The following LMTK2 variants were observed in gnomAD, a reference collection of about 807,000 sequenced individuals.
The protein encoded by LMTK2 is lemur tail kinase 2, also known as serine/threonine-protein kinase LMTK2.
A neutral mutation model predicts 127.5 loss-of-function variants in LMTK2; 37 were observed. The observed-to-expected ratio is 0.29, with a 90% CI of 0.22 to 0.38. The LOEUF (loss-of-function observed/expected upper bound fraction) is 0.38, where lower values mean the gene tolerates loss of function less well. Among genes scored for constraint, LMTK2 ranks in the 10% least tolerant of loss-of-function variants. The pLI is 1.00. For missense variants in LMTK2, 1,694 were observed against 1,920.3 expected (o/e 0.88, Z 2.20); for synonymous variants, 819 against 810.1 (o/e 1.01, Z -0.19).
Position 98,106,891 on chromosome 7 carries a change from G to A in LMTK2, c.-287G>A, listed in dbSNP as rs1334915490. The A allele has an allele frequency of 6.7e-6, 3 of 445,180 alleles. No homozygotes were observed. Among genetic ancestry groups the A allele is most frequent in the African/African-American group, 6.2e-5 (3 of 48,758 alleles). 27.6% of individuals were successfully genotyped at this position (445,180 alleles called of 1,614,324 possible). A position where few individuals can be genotyped will look rare whatever the true frequency, so the allele number is the denominator to read the frequency against. The stretch of plus-strand genomic sequence containing the variant: ...CATGACGCAGCCCATCATGGCGGCG[G>A]GAGCGCGGCTTCCCAGGCCCGCCGC... On this transcript the variant is annotated 5_prime_UTR_variant, in exon 1 of 14. Transcript: ENST00000297293.
chr7:98,171,727 C>T lies in LMTK2; in HGVS notation c.791+53C>T. Reference sequence around the variant, plus strand: ...CCCACACAGCACCGGCGGGACAGTCCAGAGAGGCTGCCGAGTTTGTGAAAC... The same window carrying T: ...CCCACACAGCACCGGCGGGACAGTCTAGAGAGGCTGCCGAGTTTGTGAAAC... On this transcript the variant is annotated intron_variant, in intron 7 of 13. Coordinates refer to ENST00000297293, the MANE Select transcript of LMTK2 (RefSeq NM_014916.4). The surrounding 1 kb of genome is among the most constrained non-coding windows in gnomAD (Gnocchi z 5.1). 6.7e-7 allele frequency: 1 copy of T among 1,493,152 alleles called. No individual in the cohort carries two copies. Among genetic ancestry groups the T allele is most frequent in the Non-Finnish European group, 8.9e-7 (1 of 1,127,298 alleles). 92.5% of individuals were successfully genotyped at this position (1,493,152 alleles called of 1,614,324 possible).
chr7:98,148,117 A>G (rs1021014518), intron 3 of LMTK2, among the ~76,000 whole-genome samples: 2 of 150,728 alleles, frequency 1.3e-5, no homozygotes, highest in Non-Finnish European at 3.0e-5. Context: ...AATCAGTTGA[A>G]CCCAAGAGGC....
In LMTK2 at chr7:98,140,665, A is replaced by G. The variant is rs983470947; in HGVS notation, c.232-732A>G. On this transcript the variant is annotated intron_variant, in intron 2 of 13. Coordinates refer to ENST00000297293, the MANE Select transcript of LMTK2 (RefSeq NM_014916.4). ...TCTGAGTCTTTCAACATTTATTTTG[A>G]TAGAAATCACATTTCAATTAGAAAT... is the stretch of plus-strand genomic sequence containing the variant. 3.3e-5 allele frequency among the ~76,000 whole-genome samples: 5 copies of G among 152,168 alleles called. No individual in the cohort carries two copies. In the East Asian group the frequency reaches 7.7e-4, roughly 23 times the overall value.
intron 4 of LMTK2, among the ~76,000 whole-genome samples, chr7:98,153,843 G>GT (rs1796890305): frequency 6.6e-6 from 1 of 151,840 alleles, no homozygotes; most frequent in Admixed American, 6.6e-5. Flanking sequence ...TCCATACAGG[G>GT]TGACAGAGCA....
chr7:98,205,562 GAGC>G lies in LMTK2; in HGVS notation c.*74_*76del. 4.6e-6 allele frequency: 7 copies of G among 1,519,206 alleles called. No individual in the cohort carries two copies. The Middle Eastern group carries it at 1.2e-3, about 262-fold the overall frequency. The allele number at this position is 1,519,206 out of a possible 1,614,324, so 94.1% of individuals were successfully genotyped here. On this transcript the variant is annotated 3_prime_UTR_variant, in exon 14 of 14. Transcript: ENST00000297293. ...AGCGGCGCCCCTGCGCCCTCAGCCC[GAGC>G]AGCGACATCCACTCGCCATTTGCTG...
chr7:98,198,345 C>T (rs28621740), intron 11 of LMTK2, among the ~76,000 whole-genome samples: 56 of 152,206 alleles, frequency 3.7e-4, no homozygotes, highest in African/African-American at 1.1e-3. Context: ...CGTGTGCCAC[C>T]GCGCTTGGCT....
At position 98,194,761 on chromosome 7, in the gene LMTK2, C is replaced by T. The variant is rs1040644211; in HGVS notation, c.4107+189C>T. Among the ~76,000 whole-genome samples the T allele has an allele frequency of 1.3e-5, 2 of 152,166 alleles. No individual in the cohort carries two copies. The highest frequency in any genetic ancestry group is 2.4e-5 in the African/African-American group (1 of 41,416). ...AGAAATGTCATTTGCTCAGGGAGTT[C>T]GTATTAAATTAAGAGAAAGAGACCC... On this transcript the variant is annotated intron_variant, in intron 11 of 13. Coordinates refer to ENST00000297293, the MANE Select transcript of LMTK2 (RefSeq NM_014916.4). The surrounding 1 kb of genome is among the most constrained non-coding windows in gnomAD (Gnocchi z 5.4).
intron 4 of LMTK2, among the ~76,000 whole-genome samples, chr7:98,153,998 T>C (rs1012579189): frequency 2.0e-5 from 3 of 152,268 alleles, no homozygotes; most frequent in African/African-American, 7.2e-5. Context: ...AAAATTAATC[T>C]ATTTTAAAAG....
At position 98,154,717 on chromosome 7, in the gene LMTK2, T is replaced by C. The variant is rs184714287; in HGVS notation, c.451-41T>C. 8 of 1,319,704 alleles carry C rather than the reference T, an allele frequency of 6.1e-6. No homozygotes were observed. The Admixed American group carries it at 1.4e-4, about 23-fold the overall frequency. 81.7% of individuals were successfully genotyped at this position (1,319,704 alleles called of 1,614,324 possible). On this transcript the variant is annotated intron_variant, in intron 4 of 13. Coordinates refer to ENST00000297293, the MANE Select transcript of LMTK2 (RefSeq NM_014916.4). ...GTAAATGCAGCAGACTCCTTTATCA[T>C]TTTGATGGAAATGACACAAAAAACT...
chr7:98,192,595 T>A lies in LMTK2; in HGVS notation c.2130T>A (p.Asn710Lys). ...CLSDNLMHQD[N>K]FDPLNVQELS... ...CAGATAATCTTATGCACCAAGATAA[T>A]TTTGATCCATTGAATGTTCAAGAAT... The change falls in exon 11 of 14, where the codon AAT becomes AAA. Residue 710 changes from asparagine to lysine, a missense_variant. Around this residue, in one of 8 missense-constraint regions of LMTK2, gnomAD observed 527 missense variants for 539.8 expected, o/e 0.98. Coordinates refer to ENST00000297293, the MANE Select transcript of LMTK2 (RefSeq NM_014916.4). 6.2e-7 allele frequency: 1 copy of A among 1,613,326 alleles called. No individual in the cohort carries two copies.
At chr7:98,149,623 G>A (rs1796823050) in intron 3 of LMTK2, among the ~76,000 whole-genome samples, 1 of 152,084 alleles carries the variant, frequency 6.6e-6, no homozygotes, top group Non-Finnish European at 1.5e-5. Flanking sequence ...AACTAACTCA[G>A]AATGCATCAT....
chr7:98,184,903 A>T lies in LMTK2; in HGVS notation c.792-148A>T, dbSNP rs1044199049. 21 of 562,824 alleles carry T rather than the reference A, an allele frequency of 3.7e-5. 1 individual carries two copies. Among genetic ancestry groups the T allele is most frequent in the African/African-American group, 3.4e-4 (18 of 53,468 alleles). The allele number at this position is 562,824 out of a possible 1,614,324, so 34.9% of individuals were successfully genotyped here. A position where few individuals can be genotyped will look rare whatever the true frequency, so the allele number is the denominator to read the frequency against. On this transcript the variant is annotated intron_variant, in intron 7 of 13. Coordinates refer to ENST00000297293, the MANE Select transcript of LMTK2 (RefSeq NM_014916.4). ...TGACATATGTAATACTTCTACTATG[A>T]AAAAGAATTTTGAGAGGTTAATTCT... is the stretch of plus-strand genomic sequence containing the variant.
intron 1 of LMTK2, among the ~76,000 whole-genome samples, chr7:98,121,348 G>C (rs1369097331): frequency 6.6e-6 from 1 of 152,146 alleles, no homozygotes. Context: ...AGGAAACCAA[G>C]CCTGGCGTGG....
chr7:98,169,519 A>G (rs1248544521), intron 6 of LMTK2, among the ~76,000 whole-genome samples: 2 of 152,236 alleles, frequency 1.3e-5, no homozygotes, highest in Non-Finnish European at 1.5e-5. Context: ...CAGCAAAACC[A>G]TGTTTTCGTG....
Position 98,147,306 on chromosome 7 carries a change from C to T in LMTK2, c.377-4076C>T, listed in dbSNP as rs145873186. The stretch of plus-strand genomic sequence containing the variant: ...CAATCATGGTTCACTGCAGCCTCGA[C>T]TTCCTGGGCTCCAGTGATCCTCCCA... On this transcript the variant is annotated intron_variant, in intron 3 of 13. Coordinates refer to ENST00000297293, the MANE Select transcript of LMTK2 (RefSeq NM_014916.4). Among the ~76,000 whole-genome samples, 60 of 152,138 alleles carry T rather than the reference C, an allele frequency of 3.9e-4. No individual in the cohort carries two copies. In the East Asian group the frequency reaches 0.012, roughly 29 times the overall value.
intron 6 of LMTK2, 86 bp downstream of exon 6, chr7:98,159,511 T>C: frequency 1.1e-6 from 1 of 884,472 alleles, no homozygotes; most frequent in South Asian, 1.4e-5. Flanking sequence ...GGATGAGGGG[T>C]TGCTTTCATG....
At chr7:98,164,307 A>C (rs937117714) in intron 6 of LMTK2, among the ~76,000 whole-genome samples, 1 of 152,196 alleles carries the variant, frequency 6.6e-6, no homozygotes, top group East Asian at 1.9e-4. Flanking sequence ...TCACTCACTC[A>C]ACAAAAATGG....
chr7:98,112,505 G>T (rs753301135), intron 1 of LMTK2, among the ~76,000 whole-genome samples: 6 of 152,226 alleles, frequency 3.9e-5, no homozygotes, highest in Non-Finnish European at 8.8e-5. Flanking sequence ...TTCTTCAGTG[G>T]CACTGGCCAC....
intron 6 of LMTK2, among the ~76,000 whole-genome samples, chr7:98,164,900 T>G (rs555029329): frequency 2.0e-5 from 3 of 152,260 alleles, no homozygotes; most frequent in African/African-American, 7.2e-5. Flanking sequence ...CAGATGATAC[T>G]GTGTTCTTGA....
Sources: allele counts gnomAD v4.1 joint callset (sites outside exome capture counted in the v4.1 genomes callset), GRCh38; gene constraint gnomAD v4.1.1; regional missense constraint gnomAD v4.1.1; non-coding constraint Gnocchi (gnomAD v3.1); transcripts MANE v1.5; gene names NCBI Gene and HGNC (gene_info 2026-07-23, HGNC 2026-07-21).